TAOK3: variants seen among roughly 807,000 people sequenced by gnomAD.
TAOK3 encodes the protein TAO kinase 3.
In TAOK3, 40 loss-of-function variants were observed where a neutral mutation model predicts 120.4. The ratio of observed to expected loss-of-function variants is 0.33; its 90% CI spans 0.26 to 0.43. The LOEUF (loss-of-function observed/expected upper bound fraction) is 0.43. Ranked by LOEUF, TAOK3 falls within the 20% of genes least tolerant of loss-of-function variation. The probability of loss-of-function intolerance (pLI) is 1.00; values close to 1 mark genes in which losing one functional copy is unlikely to be tolerated. For synonymous variants in TAOK3, 355 were observed against 387.5 expected, an observed-to-expected ratio of 0.92 and a Z score of 0.99; for missense variants, 821 against 1,112.1, an observed-to-expected ratio of 0.74 and a Z score of 3.72.
chr12:118,177,715 C>G (rs1434434788), intron 15 of TAOK3, among the ~76,000 whole-genome samples: 11 of 151,990 alleles, frequency 7.2e-5, no homozygotes, highest in Admixed American at 6.6e-4. Context: ...CCCAGCTACT[C>G]TGGAGGCTGA....
intron 9 of TAOK3, among the ~76,000 whole-genome samples, chr12:118,220,951 A>G (rs1275391991): frequency 6.6e-6 from 1 of 152,224 alleles, no homozygotes; most frequent in East Asian, 1.9e-4. Context: ...AATGGTGACA[A>G]GGCTCACTGC....
chr12:118,154,753 T>TTTA (rs1380665506), intron 19 of TAOK3, among the ~76,000 whole-genome samples: 1 of 152,116 alleles, frequency 6.6e-6, no homozygotes, highest in Non-Finnish European at 1.5e-5. Context: ...ATTAAAAAGT[T>TTTA]TTATAAGAGT....
chr12:118,227,391 T>C (rs1015370805), intron 9 of TAOK3, among the ~76,000 whole-genome samples: 2 of 150,738 alleles, frequency 1.3e-5, no homozygotes, highest in Non-Finnish European at 3.0e-5. Context: ...ATTTTACTTA[T>C]AACACTGAGA....
intron 13 of TAOK3, among the ~76,000 whole-genome samples, chr12:118,196,919 C>T (rs1482664645): frequency 2.0e-5 from 3 of 152,128 alleles, no homozygotes; most frequent in Admixed American, 1.3e-4. Context: ...GCAGATAGAA[C>T]TATAAATTAG....
chr12:118,162,189 C>G (rs937419420), intron 17 of TAOK3, among the ~76,000 whole-genome samples, 162 bp from the exon 18 acceptor site: 3 of 152,146 alleles, frequency 2.0e-5, no homozygotes, highest in African/African-American at 7.2e-5. Context: ...AATTAACAAT[C>G]TCTTCAGGTT....
In TAOK3 at chr12:118,215,965, C is replaced by T. The variant is rs149886377; in HGVS notation, c.644-1855G>A. 6.3e-3 allele frequency among the ~76,000 whole-genome samples: 954 copies of T among 152,072 alleles called. 14 individuals carry two copies. The highest frequency in any genetic ancestry group is 0.022 in the African/African-American group (910 of 41,482). ...CTATAATCCCAACACTTTGGGAGGC[C>T]GAGGCCGGCAGATCACCTGAGGCCA... On this transcript the variant is annotated intron_variant, in intron 9 of 20. Coordinates refer to ENST00000392533, the MANE Select transcript of TAOK3 (RefSeq NM_016281.4).
intron 1 of TAOK3, among the ~76,000 whole-genome samples, chr12:118,337,050 ACT>A (rs571664494): frequency 3.3e-5 from 5 of 152,120 alleles, no homozygotes; most frequent in Admixed American, 6.6e-5. Flanking sequence ...ACAGAAGGAG[ACT>A]CTGTCTCAAA....
intron 10 of TAOK3, 62 bp downstream of exon 10, chr12:118,213,955 A>G (rs2038753737): frequency 7.1e-7 from 1 of 1,406,372 alleles, no homozygotes; most frequent in African/African-American, 1.4e-5. Context: ...ATGTAATGTA[A>G]TAAAAATGTC....
At chr12:118,341,210 A>G (rs1188201297) in intron 1 of TAOK3, among the ~76,000 whole-genome samples, 1 of 152,042 alleles carries the variant, frequency 6.6e-6, no homozygotes, top group Non-Finnish European at 1.5e-5. Context: ...CATGTTGGCT[A>G]GACTGGTTTC....
intron 12 of TAOK3, 75 bp from the exon 13 acceptor site, chr12:118,199,332 C>G (rs2037908424): frequency 4.1e-6 from 5 of 1,227,900 alleles, no homozygotes; most frequent in Non-Finnish European, 5.9e-6. Context: ...AAGTGTCAAG[C>G]ACACTCAATT....
At chr12:118,210,201 C>T (rs1395935820) in intron 11 of TAOK3, among the ~76,000 whole-genome samples, 1 of 152,140 alleles carries the variant, frequency 6.6e-6, no homozygotes, top group Admixed American at 6.6e-5. Context: ...GCCTTCCTCC[C>T]TCTTTTTCTT....
chr12:118,309,641 G>A (rs987100015), intron 1 of TAOK3, among the ~76,000 whole-genome samples: 4 of 151,484 alleles, frequency 2.6e-5, no homozygotes, highest in Non-Finnish European at 5.9e-5. Context: ...TCACCCTCCC[G>A]AGTAGCTGGG....
intron 1 of TAOK3, among the ~76,000 whole-genome samples, chr12:118,292,506 A>G (rs1483331402): frequency 1.3e-5 from 2 of 152,216 alleles, no homozygotes; most frequent in Non-Finnish European, 2.9e-5. Context: ...ACTGTACATT[A>G]TCTCATTTTA....
intron 9 of TAOK3, among the ~76,000 whole-genome samples, chr12:118,222,721 C>T (rs1482865876): frequency 2.6e-5 from 4 of 152,030 alleles, no homozygotes; most frequent in African/African-American, 9.7e-5. Context: ...GGGTGCTAAG[C>T]TATGAATACA....
chr12:118,336,909 T>C (rs989812683), intron 1 of TAOK3, among the ~76,000 whole-genome samples: 27 of 152,074 alleles, frequency 1.8e-4, no homozygotes, highest in African/African-American at 6.3e-4. Flanking sequence ...CTGTCTCTAC[T>C]AAAGATATAC....
intron 16 of TAOK3, among the ~76,000 whole-genome samples, chr12:118,175,270 C>T (rs1303964207): frequency 6.6e-6 from 1 of 152,158 alleles, no homozygotes; most frequent in Non-Finnish European, 1.5e-5. Flanking sequence ...GGTTTCACTT[C>T]CTAACTAAAA....
intron 13 of TAOK3, among the ~76,000 whole-genome samples, chr12:118,194,621 T>C (rs187547819): frequency 9.9e-5 from 15 of 151,332 alleles, no homozygotes; most frequent in Non-Finnish European, 1.5e-5. Flanking sequence ...TCTTTTTTTT[T>C]TTTTTTTTTT....
At chr12:118,210,281 G>A (rs1373561850) in intron 11 of TAOK3, among the ~76,000 whole-genome samples, 1 of 152,228 alleles carries the variant, frequency 6.6e-6, no homozygotes, top group South Asian at 2.1e-4. Flanking sequence ...GCGCCGAAAG[G>A]TTGCATTGCC....
At chr12:118,170,534 G>A (rs2035935469) in intron 17 of TAOK3, among the ~76,000 whole-genome samples, 1 of 152,188 alleles carries the variant, frequency 6.6e-6, no homozygotes, top group South Asian at 2.1e-4. Flanking sequence ...GGCTGAGGCA[G>A]GCAGGTCACT....
Sources: gnomAD v4.1 joint callset for allele counts (sites outside exome capture counted in the v4.1 genomes callset) on GRCh38, gnomAD v4.1.1 for gene constraint, MANE v1.5 for transcripts, NCBI Gene and HGNC (gene_info 2026-07-23, HGNC 2026-07-21) for gene names.